The following KCNIP4 variants were observed in gnomAD, a reference collection of about 807,000 sequenced individuals.
KCNIP4 encodes the protein Kv channel-interacting protein 4.
Under a neutral mutation model 34.0 loss-of-function variants are expected in KCNIP4, and 12 were observed. The observed-to-expected ratio is 0.35, with a 90% CI of 0.23 to 0.57. The LOEUF (loss-of-function observed/expected upper bound fraction) is 0.57. Ranked by LOEUF, KCNIP4 falls within the 20% of genes least tolerant of loss-of-function variation. The probability of loss-of-function intolerance (pLI) is 0.83; values close to 1 mark genes in which losing one functional copy is unlikely to be tolerated. For synonymous variants in KCNIP4, 124 were observed against 102.2 expected (o/e 1.21, Z -1.29); for missense variants, 238 against 311.7 (o/e 0.76, Z 1.78).
At chr4:21,424,232 T>C (rs1157729978) in intron 1 of KCNIP4, among the ~76,000 whole-genome samples, 1 of 152,084 alleles carries the variant, frequency 6.6e-6, no homozygotes, top group African/African-American at 2.4e-5. Context: ...CTGGGGTCCA[T>C]ATCTGGACTA....
chr4:21,390,852 C>A (rs1000309792), intron 1 of KCNIP4, among the ~76,000 whole-genome samples: 2 of 152,052 alleles, frequency 1.3e-5, no homozygotes, highest in Non-Finnish European at 2.9e-5. Flanking sequence ...CTGGGTAATA[C>A]AGTAATGCTA....
At chr4:21,935,524 T>G (rs1252420735) in intron 1 of KCNIP4, among the ~76,000 whole-genome samples, 1 of 152,032 alleles carries the variant, frequency 6.6e-6, no homozygotes, top group African/African-American at 2.4e-5. Flanking sequence ...CCCTCTGAAC[T>G]CCACTGGCTA....
In KCNIP4 at chr4:21,902,305, C is replaced by T. The variant is rs940918895; in HGVS notation, c.61+46266G>A. ...ATTTTTGGTATACTTAAGTTATAAACATAAAGTTATCCTGGATATATAGAA... is the reference window on the plus strand; with the variant it reads ...ATTTTTGGTATACTTAAGTTATAAATATAAAGTTATCCTGGATATATAGAA... On this transcript the variant is annotated intron_variant, in intron 1 of 8. Coordinates refer to ENST00000382152, the MANE Select transcript of KCNIP4 (RefSeq NM_025221.6). Among the ~76,000 whole-genome samples the T allele has an allele frequency of 2.6e-5, 4 of 152,040 alleles. No individual in the cohort carries two copies. In the East Asian group the frequency reaches 5.8e-4, roughly 22 times the overall value.
At chr4:21,733,017 A>G (rs2109114832) in intron 1 of KCNIP4, among the ~76,000 whole-genome samples, 1 of 152,308 alleles carries the variant, frequency 6.6e-6, no homozygotes, top group African/African-American at 2.4e-5. Flanking sequence ...CTTTTAATAG[A>G]AAATAGAAAA....
At chr4:21,502,913 G>A (rs1009472980) in intron 1 of KCNIP4, among the ~76,000 whole-genome samples, 1 of 152,044 alleles carries the variant, frequency 6.6e-6, no homozygotes, top group African/African-American at 2.4e-5. Flanking sequence ...ATAGTTTGTT[G>A]AATCTATATT....
intron 1 of KCNIP4, among the ~76,000 whole-genome samples, chr4:20,958,469 A>G (rs766337705): frequency 6.6e-6 from 1 of 152,220 alleles, no homozygotes; most frequent in Non-Finnish European, 1.5e-5. Flanking sequence ...GGAGGGTAAC[A>G]TATGTACAGG....
At chr4:21,172,976 C>T (rs991977150) in intron 1 of KCNIP4, among the ~76,000 whole-genome samples, 4 of 152,270 alleles carry the variant, frequency 2.6e-5, no homozygotes, top group Non-Finnish European at 2.9e-5. Flanking sequence ...CATACGGAAG[C>T]GGCACTACAG....
At chr4:20,946,731 AC>A (rs1349402644) in intron 1 of KCNIP4, among the ~76,000 whole-genome samples, 2 of 152,136 alleles carry the variant, frequency 1.3e-5, no homozygotes, top group African/African-American at 4.8e-5. Flanking sequence ...CAATGGACTA[AC>A]CTTCTTATGA....
At chr4:20,929,068 T>C (rs952592605) in intron 1 of KCNIP4, among the ~76,000 whole-genome samples, 9 of 151,810 alleles carry the variant, frequency 5.9e-5, no homozygotes, top group African/African-American at 1.9e-4. Context: ...CCTAAGCCAA[T>C]GACATCACAA....
intron 1 of KCNIP4, among the ~76,000 whole-genome samples, chr4:21,234,224 A>T (rs1284329070): frequency 1.0e-5 from 1 of 99,346 alleles, no homozygotes; most frequent in Admixed American, 1.2e-4. Context: ...ATTATATATA[A>T]CATATATAAC....
At chr4:21,096,722 T>G (rs981204642) in intron 1 of KCNIP4, among the ~76,000 whole-genome samples, 1 of 152,184 alleles carries the variant, frequency 6.6e-6, no homozygotes, top group Non-Finnish European at 1.5e-5. Context: ...TGGTTTTCAC[T>G]TCATATGTTC....
intron 1 of KCNIP4, among the ~76,000 whole-genome samples, chr4:21,937,434 C>T (rs1053655206): frequency 7.9e-5 from 12 of 151,998 alleles, no homozygotes; most frequent in Non-Finnish European, 1.3e-4. Flanking sequence ...ATGGGACCGC[C>T]TCCTCATGAT....
intron 1 of KCNIP4, among the ~76,000 whole-genome samples, chr4:21,486,549 T>A (rs1232764446): frequency 6.6e-6 from 1 of 152,160 alleles, no homozygotes; most frequent in Non-Finnish European, 1.5e-5. Context: ...TTTGCCTAAT[T>A]CTAACCCTCC....
chr4:21,886,583 A>G lies in KCNIP4; in HGVS notation c.61+61988T>C, dbSNP rs115610742. On this transcript the variant is annotated intron_variant, in intron 1 of 8. Coordinates refer to ENST00000382152, the MANE Select transcript of KCNIP4 (RefSeq NM_025221.6). ...AGGGGGTGAGAGACAGGGTCTACAT[A>G]AAGCTTCCATCAAAACTGTAAATCC... Among the ~76,000 whole-genome samples the G allele has an allele frequency of 2.1e-3, 325 of 152,284 alleles. 5 individuals carry two copies. The highest frequency in any genetic ancestry group is 6.8e-3 in the Middle Eastern group (2 of 294).
chr4:21,326,996 T>C (rs1157040018), intron 1 of KCNIP4, among the ~76,000 whole-genome samples: 2 of 152,068 alleles, frequency 1.3e-5, no homozygotes, highest in Non-Finnish European at 2.9e-5. Context: ...TATTATTGTA[T>C]TGTGTCTTAA....
chr4:21,455,958 A>G (rs1269222821), intron 1 of KCNIP4, among the ~76,000 whole-genome samples: 1 of 143,702 alleles, frequency 7.0e-6, no homozygotes, highest in Non-Finnish European at 1.5e-5. Context: ...AATCTTTGAC[A>G]CTGCAGATTA....
chr4:21,006,602 G>T (rs1276935509), intron 1 of KCNIP4, among the ~76,000 whole-genome samples: 1 of 152,210 alleles, frequency 6.6e-6, no homozygotes, highest in East Asian at 1.9e-4. Flanking sequence ...TAATGGAGAT[G>T]TGTTCAAGAT....
chr4:21,843,245 C>T (rs551914812), intron 1 of KCNIP4: 3 of 152,108 alleles, frequency 2.0e-5, no homozygotes, highest in East Asian at 1.9e-4. Context: ...TTCTCGAACA[C>T]CTTTTATATT....
chr4:21,606,431 T>A (rs1219231015), intron 1 of KCNIP4, among the ~76,000 whole-genome samples: 1 of 152,150 alleles, frequency 6.6e-6, no homozygotes, highest in African/African-American at 2.4e-5. Context: ...ACAAACTTAG[T>A]GGCTTCCAAA....
Sources: allele counts gnomAD v4.1 joint callset (sites outside exome capture counted in the v4.1 genomes callset), GRCh38; gene constraint gnomAD v4.1.1; transcripts MANE v1.5; gene names NCBI Gene and HGNC (gene_info 2026-07-23, HGNC 2026-07-21).